PBX1: variants seen among roughly 807,000 people sequenced by gnomAD.
PBX1 encodes the protein PBX homeobox 1, also known as pre-B-cell leukemia transcription factor 1.
PBX1 carries 6 observed loss-of-function variants against 53.4 expected under a neutral mutation model. That is an observed-to-expected ratio of 0.11 (90% CI 0.06 to 0.22). PBX1 has a LOEUF of 0.22. Ranked by LOEUF, PBX1 falls within the 10% of genes least tolerant of loss-of-function variation. The pLI is 1.00. For synonymous variants in PBX1, 204 were observed against 212.3 expected, an observed-to-expected ratio of 0.96 and a Z score of 0.34; for missense variants, 251 against 551.4, an observed-to-expected ratio of 0.46 and a Z score of 5.46.
chr1:164,560,242 G>T, intron 1 of PBX1: 1 of 443,988 alleles, frequency 2.3e-6, no homozygotes. Flanking sequence ...TTGTGTGTGT[G>T]TGTGTGAATA....
chr1:164,833,596 G>A (rs1376679964), intron 8 of PBX1, among the ~76,000 whole-genome samples: 3 of 152,096 alleles, frequency 2.0e-5, no homozygotes, highest in Non-Finnish European at 2.9e-5. Flanking sequence ...GTGGAATTTC[G>A]TTTCTGACAC....
chr1:164,847,872 G>C lies in PBX1; in HGVS notation c.*1196G>C. ...AGGACCTGATCATGAGGAAGACCAG[G>C]TTTCCAGTGTAAACTACTCTTGTTC... On this transcript the variant is annotated 3_prime_UTR_variant, in exon 9 of 9. Transcript: ENST00000420696. The C allele has an allele frequency of 9.5e-7, 1 of 1,055,088 alleles. No homozygotes were observed. Among genetic ancestry groups the C allele is most frequent in the Non-Finnish European group, 1.1e-6 (1 of 872,880 alleles). 65.4% of individuals were successfully genotyped at this position (1,055,088 alleles called of 1,614,324 possible). A position where few individuals can be genotyped will look rare whatever the true frequency, so the allele number is the denominator to read the frequency against.
chr1:164,705,829 A>G (rs1248924308), intron 2 of PBX1, among the ~76,000 whole-genome samples: 1 of 152,224 alleles, frequency 6.6e-6, no homozygotes, highest in Admixed American at 6.5e-5. Context: ...CATGGTAGAT[A>G]CATTTAAAAC....
chr1:164,874,457 AT>A (rs1003270367), intron 2 of PBX1, among the ~76,000 whole-genome samples: 14 of 152,196 alleles, frequency 9.2e-5, no homozygotes, highest in Admixed American at 5.9e-4. Flanking sequence ...ATGCACATAC[AT>A]TCTTACTGTA....
At chr1:164,596,910 G>C (rs1233716589) in intron 2 of PBX1, among the ~76,000 whole-genome samples, 3 of 151,726 alleles carry the variant, frequency 2.0e-5, no homozygotes, top group Admixed American at 6.6e-5. Context: ...GAACTCCAGG[G>C]TCAGAGAAAT....
chr1:164,577,554 C>T (rs1437063727), intron 2 of PBX1, among the ~76,000 whole-genome samples: 4 of 152,158 alleles, frequency 2.6e-5, no homozygotes. Flanking sequence ...CTTTATTTTT[C>T]TTCTTAGAAA....
intron 2 of PBX1, among the ~76,000 whole-genome samples, chr1:164,645,689 T>A (rs1397920236): frequency 6.6e-6 from 1 of 152,178 alleles, no homozygotes. Context: ...TGCCAACACG[T>A]ACACACAGAT....
intron 2 of PBX1, among the ~76,000 whole-genome samples, chr1:164,727,826 C>CCTTT (rs1664777896): frequency 6.6e-6 from 1 of 152,212 alleles, no homozygotes; most frequent in Non-Finnish European, 1.5e-5. Flanking sequence ...CTCCCCTCTC[C>CCTTT]CAACCTGTAG....
chr1:164,881,304 GGAAGGAAGGAAGGAAGGAAGGAGGAAAA>G (rs1352704435), intron 2 of PBX1, among the ~76,000 whole-genome samples: 2 of 52,608 alleles, frequency 3.8e-5, no homozygotes, highest in Non-Finnish European at 5.6e-5. Context: ...AAGGAAAGAG[GGAAGGAAGGAAGGAAGGAAGGAGGAAAA>G]GAAGGAAGGA....
At chr1:164,700,087 G>A (rs1470350767) in intron 2 of PBX1, among the ~76,000 whole-genome samples, 1 of 152,160 alleles carries the variant, frequency 6.6e-6, no homozygotes, top group Non-Finnish European at 1.5e-5. Flanking sequence ...GCAACATGCC[G>A]GAACAGAGAT....
chr1:164,786,607 T>G (rs1426147783), intron 2 of PBX1, among the ~76,000 whole-genome samples: 1 of 151,898 alleles, frequency 6.6e-6, no homozygotes, highest in Non-Finnish European at 1.5e-5. Context: ...TAGAAAAAAC[T>G]TCCTTCTTTC....
chr1:164,584,752 A>T (rs983009346), intron 2 of PBX1, among the ~76,000 whole-genome samples: 1 of 152,072 alleles, frequency 6.6e-6, no homozygotes, highest in Non-Finnish European at 1.5e-5. Context: ...GCTGGACACA[A>T]CCTTCCAGTG....
chr1:164,830,696 T>G (rs1015181843), intron 8 of PBX1, among the ~76,000 whole-genome samples: 2 of 152,210 alleles, frequency 1.3e-5, no homozygotes, highest in Non-Finnish European at 2.9e-5. Context: ...CTGTAGGGCT[T>G]ACATAAGATA....
In PBX1 at chr1:164,559,727, G is replaced by T; in HGVS notation, c.-96G>T. ...TCCCTGTTTATCCTGAAAAGGATTTGAAGACAAGCTTGAAGGATAAAAAGC... is the reference window on the plus strand; with the variant it reads ...TCCCTGTTTATCCTGAAAAGGATTTTAAGACAAGCTTGAAGGATAAAAAGC... On this transcript the variant is annotated 5_prime_UTR_variant, in exon 1 of 9. Transcript: ENST00000420696. 1 of 834,192 alleles carries T rather than the reference G, an allele frequency of 1.2e-6. No individual in the cohort carries two copies. The highest frequency in any genetic ancestry group is 2.2e-5 in the South Asian group (1 of 44,624). 51.7% of individuals were successfully genotyped at this position (834,192 alleles called of 1,614,324 possible).
At chr1:164,588,005 G>A (rs1163963992) in intron 2 of PBX1, among the ~76,000 whole-genome samples, 2 of 152,182 alleles carry the variant, frequency 1.3e-5, no homozygotes, top group Non-Finnish European at 2.9e-5. Flanking sequence ...TGCTGGGATA[G>A]ACACCTGATC....
chr1:164,682,710 A>G (rs1263889132), intron 2 of PBX1: 3 of 152,078 alleles, frequency 2.0e-5, no homozygotes, highest in Non-Finnish European at 2.9e-5. Context: ...CTGCTGATGG[A>G]ATTGGTAACT....
chr1:164,591,183 T>C (rs1264719773), intron 2 of PBX1, among the ~76,000 whole-genome samples: 1 of 152,094 alleles, frequency 6.6e-6, no homozygotes, highest in Non-Finnish European at 1.5e-5. Context: ...AGCTAATTTT[T>C]GTATTTTTCG....
At chr1:164,734,907 T>G (rs1162699245) in intron 2 of PBX1, among the ~76,000 whole-genome samples, 2 of 152,178 alleles carry the variant, frequency 1.3e-5, no homozygotes, top group Non-Finnish European at 2.9e-5. Context: ...ATATTATGAC[T>G]TATTATTTTC....
chr1:164,579,343 C>A (rs1430762062), intron 2 of PBX1, among the ~76,000 whole-genome samples: 1 of 152,040 alleles, frequency 6.6e-6, no homozygotes, highest in Non-Finnish European at 1.5e-5. Flanking sequence ...CACTTTCATA[C>A]CCTCCCCTTC....
Sources: gnomAD v4.1 joint callset for allele counts (sites outside exome capture counted in the v4.1 genomes callset) on GRCh38, gnomAD v4.1.1 for gene constraint, MANE v1.5 for transcripts, NCBI Gene and HGNC (gene_info 2026-07-23, HGNC 2026-07-21) for gene names.